SERPINB12: variants seen among roughly 807,000 people sequenced by gnomAD.
SERPINB12 encodes serpin family B member 12.
Under a neutral mutation model 41.1 loss-of-function variants are expected in SERPINB12, and 57 were observed. The observed-to-expected ratio is 1.39, with a 90% CI of 1.12 to 1.73. The LOEUF (loss-of-function observed/expected upper bound fraction) is 1.73, where lower values mean the gene tolerates loss of function less well. Ranked by LOEUF, SERPINB12 falls within the 40% of genes most tolerant of loss-of-function variation. SERPINB12 has a pLI of 0.00. For synonymous variants in SERPINB12, 180 were observed against 181.3 expected (o/e 0.99, Z 0.06); for missense variants, 536 against 501.9 (o/e 1.07, Z -0.65).
At chr18:63,538,903 A>G (rs1910222602), upstream of SERPINB12, among the ~76,000 whole-genome samples, 3 of 152,186 alleles carry the variant, frequency 2.0e-5, no homozygotes, top group South Asian at 6.2e-4. Context: ...ATAAAGCGGT[A>G]TCTCACTGTA....
the SERPINB12 span, among the ~76,000 whole-genome samples, chr18:63,533,548 C>G: frequency 6.6e-6 from 1 of 152,168 alleles, no homozygotes; most frequent in African/African-American, 2.4e-5. Context: ...GATAATGGAA[C>G]AGAGGCATAG....
In SERPINB12 at chr18:63,568,809, C is replaced by T. The variant is rs1297625028; in HGVS notation, c.*1798C>T. ...CTTTTCTCACCTACCCCAGTGATTT[C>T]TTTGTGCTCTGAGAGACAAGTTCCA... On this transcript the variant is annotated 3_prime_UTR_variant, in exon 8 of 8. Coordinates refer to ENST00000382768, the MANE Select transcript of SERPINB12 (RefSeq NM_001307928.2). Among the ~76,000 whole-genome samples the T allele has an allele frequency of 2.6e-5, 4 of 152,326 alleles. No individual in the cohort carries two copies. Among genetic ancestry groups the T allele is most frequent in the African/African-American group, 4.8e-5 (2 of 41,570 alleles).
At chr18:63,561,349 A>G (rs1012235325) in intron 5 of SERPINB12, 147 bp downstream of exon 5, 1 of 593,034 alleles carries the variant, frequency 1.7e-6, no homozygotes, top group Non-Finnish European at 3.0e-6. Flanking sequence ...AGAATGAGAT[A>G]CCATCTCACA....
At chr18:63,525,055 C>T in the SERPINB12 span, among the ~76,000 whole-genome samples, 2 of 152,208 alleles carry the variant, frequency 1.3e-5, no homozygotes, top group South Asian at 4.1e-4. Flanking sequence ...GGCCCCCTTC[C>T]CATTTTGAAA....
chr18:63,526,831 A>G, the SERPINB12 span, among the ~76,000 whole-genome samples: 4 of 152,198 alleles, frequency 2.6e-5, no homozygotes, highest in African/African-American at 9.6e-5. Flanking sequence ...TGATTTCCTC[A>G]TTGTAGGAAC....
the SERPINB12 span, among the ~76,000 whole-genome samples, chr18:63,535,429 C>A: frequency 6.6e-6 from 1 of 152,028 alleles, no homozygotes. Context: ...AAATGCGTAA[C>A]TCGAATCTAA....
chr18:63,526,344 G>A, the SERPINB12 span, among the ~76,000 whole-genome samples: 1 of 151,988 alleles, frequency 6.6e-6, no homozygotes, highest in Non-Finnish European at 1.5e-5. Flanking sequence ...GTCTTGCTCT[G>A]TTGCCCAGGC....
chr18:63,535,714 C>T, the SERPINB12 span, among the ~76,000 whole-genome samples: 1 of 152,130 alleles, frequency 6.6e-6, no homozygotes, highest in African/African-American at 2.4e-5. Flanking sequence ...TTCCAGATTT[C>T]AGTACTTGTG....
At chr18:63,556,356 G>C in intron 2 of SERPINB12, 29 bp downstream of exon 2, 3 of 1,590,310 alleles carry the variant, frequency 1.9e-6, no homozygotes, top group Non-Finnish European at 2.6e-6. Flanking sequence ...GCTACACAGG[G>C]TCCTAAACTC....
chr18:63,545,086 G>C (rs1371722949), intron 1 of SERPINB12, among the ~76,000 whole-genome samples: 1 of 152,086 alleles, frequency 6.6e-6, no homozygotes, highest in Admixed American at 6.6e-5. Context: ...GCAGAAAAAG[G>C]CTAATTGCTG....
chr18:63,523,399 A>G, the SERPINB12 span, among the ~76,000 whole-genome samples: 23 of 152,230 alleles, frequency 1.5e-4, no homozygotes, highest in African/African-American at 5.3e-4. Context: ...AAGGTAAAGA[A>G]ACAAACCTCC....
intron 1 of SERPINB12, among the ~76,000 whole-genome samples, chr18:63,551,074 C>T (rs1314780879): frequency 6.6e-6 from 1 of 151,896 alleles, no homozygotes; most frequent in Non-Finnish European, 1.5e-5. Context: ...TCGAGACTAT[C>T]CTGCCTAACA....
rs1364506398 is a variant in SERPINB12 at position 63,567,374 on chromosome 18, G to A, written c.*363G>A. 3.9e-5 allele frequency among the ~76,000 whole-genome samples: 6 copies of A among 152,194 alleles called. No individual in the cohort carries two copies. The highest frequency in any genetic ancestry group is 1.4e-4 in the African/African-American group (6 of 41,454). On this transcript the variant is annotated 3_prime_UTR_variant, in exon 8 of 8. Coordinates refer to ENST00000382768, the MANE Select transcript of SERPINB12 (RefSeq NM_001307928.2). ...CTCAGAAGCCACTTTAACATGGGCA[G>A]CAAGAGAACATGTTTGACTGGAACG... is the stretch of plus-strand genomic sequence containing the variant.
intron 2 of SERPINB12, among the ~76,000 whole-genome samples, chr18:63,557,610 T>A (rs1162402567): frequency 1.3e-5 from 2 of 152,218 alleles, no homozygotes; most frequent in Non-Finnish European, 2.9e-5. Flanking sequence ...ATTTTCTTAT[T>A]CCATTAGCAA....
intron 6 of SERPINB12, among the ~76,000 whole-genome samples, chr18:63,564,966 A>C (rs1283216059): frequency 6.6e-6 from 1 of 152,172 alleles, no homozygotes; most frequent in African/African-American, 2.4e-5. Flanking sequence ...AGGGAGGATC[A>C]GTTGAGACTA....
the SERPINB12 span, among the ~76,000 whole-genome samples, chr18:63,528,789 A>G: frequency 6.6e-6 from 1 of 152,178 alleles, no homozygotes; most frequent in African/African-American, 2.4e-5. Flanking sequence ...ACTCTCCAAA[A>G]GGACACTTGT....
In SERPINB12 at chr18:63,567,099, TA is replaced by T; in HGVS notation, c.*90del. On this transcript the variant is annotated 3_prime_UTR_variant, in exon 8 of 8. Coordinates refer to ENST00000382768, the MANE Select transcript of SERPINB12 (RefSeq NM_001307928.2). ...ATAAGATGGGCATTTGAGTTTTTGG[TA>T]ATATCTAAAGCATCTCCTTCATCCT... 5 of 1,322,580 alleles carry T rather than the reference TA, an allele frequency of 3.8e-6. No homozygotes were observed. The highest frequency in any genetic ancestry group is 4.1e-6 in the Non-Finnish European group (4 of 968,632). 81.9% of individuals were successfully genotyped at this position (1,322,580 alleles called of 1,614,324 possible). A position where few individuals can be genotyped will look rare whatever the true frequency, so the allele number is the denominator to read the frequency against.
chr18:63,520,339 G>A, the SERPINB12 span, among the ~76,000 whole-genome samples: 1 of 152,212 alleles, frequency 6.6e-6, no homozygotes, highest in African/African-American at 2.4e-5. Context: ...GCAGGTTAAG[G>A]GTGGGGTGGA....
rs1187010172 is a variant in SERPINB12, at chr18:63,559,565, C to A, written c.304-13C>A. On this transcript the variant is annotated splice_polypyrimidine_tract_variant and intron_variant, in intron 3 of 7. Transcript: ENST00000382768. The stretch of plus-strand genomic sequence containing the variant: ...ACACAGTGAAGGTCACATTTTGTTT[C>A]TTCTTTCCTTAGGCTGGGTCCTTAA... The A allele has an allele frequency of 6.2e-7, 1 of 1,613,456 alleles. No individual in the cohort carries two copies.
Sources: gnomAD v4.1 joint callset for allele counts (sites outside exome capture counted in the v4.1 genomes callset) on GRCh38, gnomAD v4.1.1 for gene constraint, MANE v1.5 for transcripts, NCBI Gene and HGNC (gene_info 2026-07-23, HGNC 2026-07-21) for gene names.